The following TGM3 variants were observed in gnomAD, a reference collection of about 807,000 sequenced individuals.
TGM3 encodes the protein transglutaminase 3.
In TGM3, 52 loss-of-function variants were observed where a neutral mutation model predicts 73.8. The ratio of observed to expected loss-of-function variants is 0.70; its 90% CI spans 0.56 to 0.89. TGM3 has a LOEUF of 0.89. Ranked by LOEUF, TGM3 falls within the 40% of genes least tolerant of loss-of-function variation. The pLI is 0.00. For synonymous variants in TGM3, 372 were observed against 354.9 expected (o/e 1.05, Z -0.54); for missense variants, 928 against 909.9 (o/e 1.02, Z -0.26).
At chr20:2,311,150 C>T in intron 4 of TGM3, 21 bp downstream of exon 4, 1 of 1,600,082 alleles carries the variant, frequency 6.2e-7, no homozygotes, top group Non-Finnish European at 8.6e-7. Context: ...CATAAGGAAG[C>T]TAAGGGTAAT....
rs531622667 is a variant in TGM3 at position 2,339,937 on chromosome 20, C to A, written c.1884C>A (p.Cys628Ter). 1.3e-6 allele frequency: 2 copies of A among 1,530,498 alleles called. No individual in the cohort carries two copies. Among genetic ancestry groups the A allele is most frequent in the South Asian group, 1.1e-5 (1 of 89,838 alleles). The allele number at this position is 1,530,498 out of a possible 1,614,324, so 94.8% of individuals were successfully genotyped here. ...SNPLDEPVRD[C>*]VLMVEGSGLL... is the part of the protein sequence containing the mutation. ...CACTGGATGAGCCGGTGAGGGACTG[C>A]GTGCTGATGGTGGAGGGAAGCGGCC... Residue 628 changes from cysteine to a stop codon, truncating the protein, a stop_gained, in exon 12 of 13, where the codon TGC (cysteine) becomes TGA (stop). Coordinates refer to ENST00000381458, the MANE Select transcript of TGM3 (RefSeq NM_003245.4). LOFTEE classifies it high-confidence loss of function.
intron 1 of TGM3, among the ~76,000 whole-genome samples, chr20:2,305,685 T>C (rs1436439110): frequency 1.3e-5 from 2 of 152,194 alleles, no homozygotes; most frequent in African/African-American, 2.4e-5. Flanking sequence ...TCGTTGGTGC[T>C]GCCGGGGCTC....
intron 12 of TGM3, among the ~76,000 whole-genome samples, 192 bp from the exon 13 acceptor site, chr20:2,340,242 C>CT (rs1386584321): frequency 6.6e-6 from 1 of 152,160 alleles, no homozygotes; most frequent in Non-Finnish European, 1.5e-5. Context: ...TGGGACCCCC[C>CT]CCTCCTGCTT....
At chr20:2,316,215 T>G (rs2084232259) in intron 5 of TGM3, among the ~76,000 whole-genome samples, 1 of 152,204 alleles carries the variant, frequency 6.6e-6, no homozygotes, top group Non-Finnish European at 1.5e-5. Flanking sequence ...AACAAATAGC[T>G]GAATGAATGA....
Position 2,332,282 on chromosome 20 carries a change from T to C in TGM3, c.1614T>C (p.Ser538=). ...GTLVHEVWKD[S]ATMSLDPEEE... ...TTGTACATGAAGTGTGGAAGGACTC[T>C]GCCACAATGTCCCTGGACCCTGAGG... The change falls in exon 10 of 13, where the codon TCT becomes TCC. Residue 538 remains serine, a synonymous_variant. Coordinates refer to ENST00000381458, the MANE Select transcript of TGM3 (RefSeq NM_003245.4). The surrounding 1 kb of genome is among the most constrained non-coding windows in gnomAD (Gnocchi z 4.4). The C allele has an allele frequency of 6.2e-7, 1 of 1,609,174 alleles. No homozygotes were observed. Among genetic ancestry groups the C allele is most frequent in the South Asian group, 1.1e-5 (1 of 90,310 alleles).
intron 1 of TGM3, among the ~76,000 whole-genome samples, chr20:2,299,011 T>C (rs993260561): frequency 4.6e-5 from 7 of 152,068 alleles, no homozygotes; most frequent in Non-Finnish European, 7.4e-5. Context: ...CAGCTGCCCG[T>C]ATTTCAGCGT....
intron 1 of TGM3, among the ~76,000 whole-genome samples, chr20:2,305,326 A>C (rs2084171323): frequency 6.6e-6 from 1 of 152,174 alleles, no homozygotes; most frequent in Non-Finnish European, 1.5e-5. Context: ...CAGTCATCTC[A>C]TTAGCATACA....
chr20:2,304,031 C>G (rs2084165236), intron 1 of TGM3, among the ~76,000 whole-genome samples: 1 of 152,172 alleles, frequency 6.6e-6, no homozygotes, highest in Non-Finnish European at 1.5e-5. Flanking sequence ...TCATGCGACT[C>G]CTGTCTCTTC....
intron 9 of TGM3, among the ~76,000 whole-genome samples, chr20:2,330,910 G>T (rs867427960): frequency 6.7e-6 from 1 of 148,476 alleles, no homozygotes; most frequent in African/African-American, 2.5e-5. Context: ...GGAGGCTGAA[G>T]CAGGAGAACC....
intron 1 of TGM3, among the ~76,000 whole-genome samples, chr20:2,300,236 A>AG (rs5839946): frequency 6.8e-6 from 1 of 147,782 alleles, no homozygotes; most frequent in Non-Finnish European, 1.5e-5. Context: ...AAGAAAGAAA[A>AG]AAAGAAAGAA....
chr20:2,338,393 C>T (rs991909486), intron 11 of TGM3, among the ~76,000 whole-genome samples: 1 of 151,966 alleles, frequency 6.6e-6, no homozygotes, highest in Non-Finnish European at 1.5e-5. Flanking sequence ...TAAATATCAC[C>T]ATGAAAAATG....
At chr20:2,324,641 C>T (rs1189609421) in intron 7 of TGM3, among the ~76,000 whole-genome samples, 1 of 152,134 alleles carries the variant, frequency 6.6e-6, no homozygotes, top group African/African-American at 2.4e-5. Flanking sequence ...GGGCAGCTTC[C>T]TTGACTCTTT....
At chr20:2,307,824 G>T (rs143884091) in intron 1 of TGM3, among the ~76,000 whole-genome samples, 3 of 152,006 alleles carry the variant, frequency 2.0e-5, no homozygotes, top group Non-Finnish European at 2.9e-5. Flanking sequence ...GATGGTCATC[G>T]CATGATATTA....
rs2084327481 is a variant in TGM3 at position 2,332,591 on chromosome 20, C to T, written c.1642+281C>T. On this transcript the variant is annotated intron_variant, in intron 10 of 12. Coordinates refer to ENST00000381458, the MANE Select transcript of TGM3 (RefSeq NM_003245.4). The surrounding 1 kb of genome is among the most constrained non-coding windows in gnomAD (Gnocchi z 4.4). ...CATAGCTATGGCACAATATCCCTTA[C>T]AAGTATATACCACCTCACACAGTTT... is the stretch of plus-strand genomic sequence containing the variant. Among the ~76,000 whole-genome samples, 1 of 152,168 alleles carries T rather than the reference C, an allele frequency of 6.6e-6. No individual in the cohort carries two copies. The highest frequency in any genetic ancestry group is 1.5e-5 in the Non-Finnish European group (1 of 68,034).
rs569490855 is a variant in TGM3 at position 2,305,056 on chromosome 20, C to G, written c.8-4601C>G. Among the ~76,000 whole-genome samples, 108 of 152,186 alleles carry G rather than the reference C, an allele frequency of 7.1e-4. 1 individual carries two copies. Among genetic ancestry groups the G allele is most frequent in the Non-Finnish European group, 1.2e-3 (83 of 68,034 alleles). The stretch of plus-strand genomic sequence containing the variant: ...GGGGAGGGGCACAGAGCCCCCATGC[C>G]CCCCTCCCAGCACTTCCATGAGTTC... On this transcript the variant is annotated intron_variant, in intron 1 of 12. Transcript: ENST00000381458.
chr20:2,310,934 G>A, intron 3 of TGM3, 77 bp from the exon 4 acceptor site: 1 of 1,327,800 alleles, frequency 7.5e-7, no homozygotes, highest in Non-Finnish European at 1.1e-6. Flanking sequence ...CGGTTCAGGA[G>A]TGGGAGGAGA....
At chr20:2,304,549 C>T (rs1376991834) in intron 1 of TGM3, among the ~76,000 whole-genome samples, 1 of 152,162 alleles carries the variant, frequency 6.6e-6, no homozygotes, top group Non-Finnish European at 1.5e-5. Context: ...ACCTTCTGGA[C>T]TCAAAATCCT....
Position 2,335,798 on chromosome 20 carries a change from T to G in TGM3, c.1800+525T>G, listed in dbSNP as rs201422474. On this transcript the variant is annotated intron_variant, in intron 11 of 12. Transcript: ENST00000381458. ...GGCCTGACCCACAGCATCTCTCCCC[T>G]GTCTAGACCCTGGAGTTACAGAATT... Among the ~76,000 whole-genome samples the G allele has an allele frequency of 3.3e-4, 50 of 152,286 alleles. No individual in the cohort carries two copies. In the East Asian group the frequency reaches 3.9e-3, roughly 12 times the overall value.
intron 11 of TGM3, among the ~76,000 whole-genome samples, chr20:2,336,007 A>G (rs991655475): frequency 1.3e-5 from 2 of 152,242 alleles, no homozygotes; most frequent in African/African-American, 4.8e-5. Context: ...CAGCATCTTC[A>G]AAGTGGCTGA....
Sources: gnomAD v4.1 joint callset for allele counts (sites outside exome capture counted in the v4.1 genomes callset) on GRCh38, gnomAD v4.1.1 for gene constraint, Gnocchi (gnomAD v3.1) non-coding constraint, MANE v1.5 for transcripts, NCBI Gene and HGNC (gene_info 2026-07-23, HGNC 2026-07-21) for gene names.